The following FANK1 variants were observed in gnomAD, a reference collection of about 807,000 sequenced individuals.
FANK1 encodes the protein fibronectin type 3 and ankyrin repeat domains protein 1.
FANK1 carries 44 observed loss-of-function variants against 45.3 expected under a neutral mutation model. The observed-to-expected ratio is 0.97, with a 90% confidence interval of 0.76 to 1.25. The LOEUF is 1.25. FANK1 is among the 50% of genes most tolerant of loss of function. FANK1 has a pLI of 0.00. For synonymous variants in FANK1, 149 were observed against 152.5 expected (o/e 0.98, Z 0.17); for missense variants, 391 against 424.4 (o/e 0.92, Z 0.69).
In FANK1 at chr10:125,988,625, G is replaced by C; in HGVS notation, c.266G>C (p.Ser89Thr). ...TLYRFRLKVTSPSGECEYSPL... is the reference protein window; with the variant it reads ...TLYRFRLKVTTPSGECEYSPL... ...TACAGATTTCGCCTGAAGGTCACCA[G>C]CCCCTCTGGGGAGTGTGAGTACAGC... is the stretch of plus-strand genomic sequence containing the variant. The change falls in exon 3 of 11, where the codon AGC becomes ACC. Residue 89 changes from serine (S) to threonine (T), a missense_variant. Physicochemically the swap from Ser to Thr is moderately conservative, Grantham distance 58. Transcript: ENST00000368693. The C allele has an allele frequency of 6.2e-7, 1 of 1,614,218 alleles. No homozygotes were observed. The highest frequency in any genetic ancestry group is 8.5e-7 in the Non-Finnish European group (1 of 1,180,034).
intron 1 of FANK1, among the ~76,000 whole-genome samples, chr10:125,915,981 A>C (rs1031919694): frequency 2.6e-5 from 4 of 152,080 alleles, no homozygotes; most frequent in Non-Finnish European, 5.9e-5. Context: ...CTGTTTCTTC[A>C]GTTTAGTTAA....
intron 1 of FANK1, among the ~76,000 whole-genome samples, chr10:125,940,074 A>G (rs1420603867): frequency 6.6e-6 from 1 of 152,098 alleles, no homozygotes; most frequent in Non-Finnish European, 1.5e-5. Flanking sequence ...TTTGGAAGAT[A>G]TGTCAGTGAA....
At chr10:125,914,511 T>C (rs1198639784) in intron 1 of FANK1, among the ~76,000 whole-genome samples, 1 of 152,110 alleles carries the variant, frequency 6.6e-6, no homozygotes, top group African/African-American at 2.4e-5. Flanking sequence ...ACCTCAGTGA[T>C]TAGTGAAAAG....
chr10:125,951,166 C>T (rs987648844), intron 1 of FANK1, among the ~76,000 whole-genome samples: 32 of 149,748 alleles, frequency 2.1e-4, no homozygotes, highest in South Asian at 1.3e-3. Flanking sequence ...GTGGGTGCAG[C>T]GCACCAGCAT....
intron 1 of FANK1, among the ~76,000 whole-genome samples, chr10:125,926,921 TGAACGTAC>T (rs1397177845): frequency 1.3e-5 from 2 of 152,408 alleles, no homozygotes; most frequent in East Asian, 3.8e-4. Context: ...AAGGAGATCA[TGAACGTAC>T]AACTCAAAAT....
At chr10:125,927,844 C>T (rs997635734) in intron 1 of FANK1, among the ~76,000 whole-genome samples, 10 of 152,276 alleles carry the variant, frequency 6.6e-5, no homozygotes, top group African/African-American at 2.4e-4. Flanking sequence ...CTGTGCCCGG[C>T]CCTAAACTTT....
At chr10:126,006,297 G>A (rs1953193020) in intron 7 of FANK1, among the ~76,000 whole-genome samples, 1 of 152,216 alleles carries the variant, frequency 6.6e-6, no homozygotes, top group Non-Finnish European at 1.5e-5. Context: ...TCCTGCTGCT[G>A]CTTTTGGAGA....
Position 126,009,153 on chromosome 10 carries a change from TAA to T in FANK1, c.927+24_927+25del, listed in dbSNP as rs777552178. On this transcript the variant is annotated intron_variant, in intron 9 of 10. Coordinates refer to ENST00000368693, the MANE Select transcript of FANK1 (RefSeq NM_145235.5). ...TGAGGTAAATGAGTCCATCTTTATG[TAA>T]AGATTTTCCTCGGAGGGGGAGAAAA... 5.0e-6 allele frequency: 8 copies of T among 1,614,200 alleles called. No homozygotes were observed. In the South Asian group the frequency reaches 7.7e-5, roughly 16 times the overall value.
At chr10:125,967,529 A>C (rs1007013484) in intron 1 of FANK1, among the ~76,000 whole-genome samples, 1 of 152,236 alleles carries the variant, frequency 6.6e-6, no homozygotes, top group African/African-American at 2.4e-5. Context: ...AATTGTGCTG[A>C]TAATTGAAGC....
chr10:125,953,245 G>T (rs1376646913), intron 1 of FANK1, among the ~76,000 whole-genome samples: 1 of 152,120 alleles, frequency 6.6e-6, no homozygotes, highest in Non-Finnish European at 1.5e-5. Flanking sequence ...GCTTGTGAAG[G>T]CCCCTCTGTT....
chr10:125,990,234 G>C (rs1189841525), intron 3 of FANK1, among the ~76,000 whole-genome samples: 1 of 152,200 alleles, frequency 6.6e-6, no homozygotes, highest in Non-Finnish European at 1.5e-5. Flanking sequence ...TGGACGATGG[G>C]TTGGCCATCT....
intron 1 of FANK1, among the ~76,000 whole-genome samples, chr10:125,896,985 C>T (rs1384270399): frequency 1.3e-5 from 2 of 152,398 alleles, no homozygotes; most frequent in South Asian, 4.1e-4. Flanking sequence ...ATTTACTCCT[C>T]CTCCTACTCA....
rs188082101 is a variant in FANK1 at position 125,898,578 on chromosome 10, G to C, written c.13+1923G>C. On this transcript the variant is annotated intron_variant, in intron 1 of 10. Coordinates refer to ENST00000368693, the MANE Select transcript of FANK1 (RefSeq NM_145235.5). The stretch of plus-strand genomic sequence containing the variant: ...TGAGACCTGAGAGCAGCGTGGGTTT[G>C]AGGCTCACGGTAGGAAGATTAGTAA... Among the ~76,000 whole-genome samples, 493 of 152,202 alleles carry C rather than the reference G, an allele frequency of 3.2e-3. 4 individuals carry two copies. Among genetic ancestry groups the C allele is most frequent in the Middle Eastern group, 0.017 (5 of 294 alleles).
At chr10:125,931,473 T>C (rs1249190226) in intron 1 of FANK1, among the ~76,000 whole-genome samples, 1 of 152,232 alleles carries the variant, frequency 6.6e-6, no homozygotes, top group Non-Finnish European at 1.5e-5. Flanking sequence ...GTTAGTGATG[T>C]TGGGCATTTT....
intron 1 of FANK1, among the ~76,000 whole-genome samples, chr10:125,940,172 A>AT (rs1442694941): frequency 6.6e-6 from 1 of 152,138 alleles, no homozygotes; most frequent in Non-Finnish European, 1.5e-5. Flanking sequence ...GAGACAAAGT[A>AT]TAGAGAAAGA....
intron 1 of FANK1, among the ~76,000 whole-genome samples, chr10:125,943,286 C>G (rs1273929926): frequency 2.0e-5 from 3 of 151,782 alleles, no homozygotes; most frequent in Non-Finnish European, 4.4e-5. Flanking sequence ...AATTGTTTTT[C>G]TAAATTGCAG....
intron 2 of FANK1, among the ~76,000 whole-genome samples, chr10:125,985,605 C>T (rs1185985271): frequency 6.6e-6 from 1 of 152,000 alleles, no homozygotes; most frequent in Non-Finnish European, 1.5e-5. Flanking sequence ...ATTGTCTTTC[C>T]TACAGTTTCT....
At chr10:125,956,849 G>A (rs937958702) in intron 1 of FANK1, among the ~76,000 whole-genome samples, 23 of 152,144 alleles carry the variant, frequency 1.5e-4, no homozygotes, top group African/African-American at 5.6e-4. Context: ...GTTCGGGGTA[G>A]TATAGGCTTC....
intron 1 of FANK1, among the ~76,000 whole-genome samples, chr10:125,933,976 T>C (rs1947915761): frequency 6.6e-6 from 1 of 152,208 alleles, no homozygotes; most frequent in Non-Finnish European, 1.5e-5. Context: ...TTCGATTTTA[T>C]TCCACTGTTA....
Sources: gnomAD v4.1 joint callset for allele counts (sites outside exome capture counted in the v4.1 genomes callset) on GRCh38, gnomAD v4.1.1 for gene constraint, MANE v1.5 for transcripts, NCBI Gene and HGNC (gene_info 2026-07-23, HGNC 2026-07-21) for gene names.